The following MYT1L variants were observed in gnomAD, a reference collection of about 807,000 sequenced individuals.
MYT1L encodes the protein myelin transcription factor 1-like protein.
A neutral mutation model predicts 126.7 loss-of-function variants in MYT1L; 12 were observed. The ratio of observed to expected loss-of-function variants is 0.09; its 90% CI spans 0.06 to 0.15. The LOEUF is 0.15. Ranked by LOEUF, MYT1L falls within the 10% of genes least tolerant of loss-of-function variation. The pLI is 1.00. For synonymous variants in MYT1L, 541 were observed against 604.2 expected, an observed-to-expected ratio of 0.90 and a Z score of 1.53; for missense variants, 979 against 1,585.2, an observed-to-expected ratio of 0.62 and a Z score of 6.49.
chr2:1,869,164 C>G (rs572239833), intron 18 of MYT1L, among the ~76,000 whole-genome samples: 1 of 146,046 alleles, frequency 6.8e-6, no homozygotes, highest in Admixed American at 6.7e-5. Context: ...CTCTTTTCCA[C>G]GTGCCACTGT....
chr2:2,281,558 T>G (rs539244229), intron 2 of MYT1L, among the ~76,000 whole-genome samples: 4 of 152,262 alleles, frequency 2.6e-5, no homozygotes, highest in Non-Finnish European at 5.9e-5. Flanking sequence ...TGTTGCTTTA[T>G]AGAGATTTAG....
At position 1,912,098 on chromosome 2, in the gene MYT1L, T is replaced by C. The variant is rs1219808741; in HGVS notation, c.1631A>G (p.His544Arg). The part of the protein sequence containing the change: ...DRVPPEILAM[H>R]ESVLKCPTPG... ...AGTGGGGCACTTGAGGACACTTTCA[T>C]GCATGGCAAGGACTTGACAGGGAGA... The change falls in exon 12 of 25, where the codon CAT becomes CGT. Residue 544 changes from histidine to arginine, a missense_variant. Coordinates refer to ENST00000647738, the MANE Select transcript of MYT1L (RefSeq NM_001303052.2). The surrounding 1 kb of genome is among the most constrained non-coding windows in gnomAD (Gnocchi z 4.3). 12 of 1,581,272 alleles carry C rather than the reference T, an allele frequency of 7.6e-6. No homozygotes were observed. The highest frequency in any genetic ancestry group is 8.6e-6 in the Non-Finnish European group (10 of 1,156,896).
At chr2:1,927,873 A>G (rs2054438916) in intron 9 of MYT1L, among the ~76,000 whole-genome samples, 1 of 152,240 alleles carries the variant, frequency 6.6e-6, no homozygotes, top group Non-Finnish European at 1.5e-5. Context: ...CAATGCATTC[A>G]TTCTAATGAA....
At chr2:2,229,683 T>C (rs1175510155) in intron 2 of MYT1L, among the ~76,000 whole-genome samples, 1 of 152,112 alleles carries the variant, frequency 6.6e-6, no homozygotes, top group African/African-American at 2.4e-5. Context: ...GCACCCACTA[T>C]AGGCAAGGCA....
chr2:1,920,819 C>T (rs1194922782), intron 10 of MYT1L, among the ~76,000 whole-genome samples: 2 of 152,226 alleles, frequency 1.3e-5, no homozygotes, highest in Non-Finnish European at 2.9e-5. Context: ...AGGCCTGAAG[C>T]TCTACTGAGC....
intron 2 of MYT1L, among the ~76,000 whole-genome samples, chr2:2,181,008 G>C (rs922368840): frequency 2.0e-5 from 3 of 151,264 alleles, no homozygotes; most frequent in Non-Finnish European, 2.9e-5. Context: ...GTATGTACCT[G>C]TGTGTGCACC....
At chr2:1,815,665 A>C (rs7559352) in intron 21 of MYT1L, among the ~76,000 whole-genome samples, 6 of 152,236 alleles carry the variant, frequency 3.9e-5, no homozygotes, top group Non-Finnish European at 8.8e-5. Flanking sequence ...GTACACCTCC[A>C]TGGAATCCTA....
chr2:1,862,401 T>A (rs1227236554), intron 18 of MYT1L, among the ~76,000 whole-genome samples: 1 of 152,216 alleles, frequency 6.6e-6, no homozygotes, highest in Non-Finnish European at 1.5e-5. Context: ...GCGTTTTGAC[T>A]GCACTAAACT....
intron 3 of MYT1L, among the ~76,000 whole-genome samples, chr2:2,074,764 A>C (rs989099182): frequency 2.0e-5 from 3 of 152,326 alleles, no homozygotes; most frequent in African/African-American, 4.8e-5. Context: ...GAACAAAAAA[A>C]TACTCAGTTG....
intron 1 of MYT1L, among the ~76,000 whole-genome samples, chr2:2,311,112 C>T (rs371968014): frequency 1.1e-4 from 16 of 152,252 alleles, no homozygotes; most frequent in African/African-American, 2.9e-4. Flanking sequence ...CTCCAGACCC[C>T]GGATCTGAAC....
At position 1,840,782 on chromosome 2, in the gene MYT1L, T is replaced by G. The variant is rs2041554609; in HGVS notation, c.2836A>C (p.Lys946Gln). Residue 946 changes from lysine (K) to glutamine (Q), a missense_variant, in exon 20 of 25, where the codon AAA becomes CAA. Lys to Gln is a moderately conservative substitution (Grantham distance 53). Coordinates refer to ENST00000647738, the MANE Select transcript of MYT1L (RefSeq NM_001303052.2). ...GIRIAQSKED[K>Q]EDQEPIRCPV... ...TACCTGATGGGTTCTTGATCTTCTT[T>G]ATCTTCTTTGCTCTGTGCTATCCTG... 6.4e-7 allele frequency: 1 copy of G among 1,550,986 alleles called. No homozygotes were observed.
intron 2 of MYT1L, among the ~76,000 whole-genome samples, chr2:2,262,956 C>A (rs865774244): frequency 2.3e-4 from 13 of 57,338 alleles, no homozygotes; most frequent in South Asian, 1.8e-3. Context: ...ATATATATAT[C>A]ACAGGTAATA....
intron 21 of MYT1L, among the ~76,000 whole-genome samples, chr2:1,810,473 T>C (rs1023413869): frequency 1.3e-5 from 2 of 152,160 alleles, no homozygotes; most frequent in Non-Finnish European, 2.9e-5. Flanking sequence ...GACATATGTG[T>C]TTATTCTCTC....
intron 3 of MYT1L, among the ~76,000 whole-genome samples, chr2:2,065,390 A>G (rs2150182901): frequency 6.6e-6 from 1 of 152,362 alleles, no homozygotes; most frequent in Non-Finnish European, 1.5e-5. Context: ...AAACCTTGAC[A>G]GCACATCTCC....
At chr2:2,101,059 C>T (rs924486713) in intron 3 of MYT1L, among the ~76,000 whole-genome samples, 2 of 152,156 alleles carry the variant, frequency 1.3e-5, no homozygotes, top group African/African-American at 4.8e-5. Context: ...TCTCTTTCAA[C>T]CTGGTTGCCT....
At chr2:1,984,872 G>C (rs2060893064) in intron 5 of MYT1L, among the ~76,000 whole-genome samples, 1 of 152,140 alleles carries the variant, frequency 6.6e-6, no homozygotes, top group South Asian at 2.1e-4. Context: ...GGAGTCCTCA[G>C]TGGCTGCTTT....
At chr2:1,837,322 G>C (rs778448381) in intron 21 of MYT1L, among the ~76,000 whole-genome samples, 1 of 152,184 alleles carries the variant, frequency 6.6e-6, no homozygotes, top group Non-Finnish European at 1.5e-5. Flanking sequence ...AAATGCTCAC[G>C]TGAGAGGACG....
intron 1 of MYT1L, among the ~76,000 whole-genome samples, chr2:2,321,013 A>C (rs904941248): frequency 6.6e-6 from 1 of 152,244 alleles, no homozygotes; most frequent in Non-Finnish European, 1.5e-5. Flanking sequence ...TAATTAAAAA[A>C]TGCCATGCTG....
intron 3 of MYT1L, among the ~76,000 whole-genome samples, chr2:2,092,775 A>C (rs1292707656): frequency 2.6e-5 from 4 of 152,222 alleles, no homozygotes; most frequent in Non-Finnish European, 5.9e-5. Flanking sequence ...ACTAGACAGA[A>C]CCACAGCACT....
Sources: gnomAD v4.1 joint callset for allele counts (sites outside exome capture counted in the v4.1 genomes callset) on GRCh38, gnomAD v4.1.1 for gene constraint, Gnocchi (gnomAD v3.1) non-coding constraint, MANE v1.5 for transcripts, NCBI Gene and HGNC (gene_info 2026-07-23, HGNC 2026-07-21) for gene names.